GLI3: variants seen among roughly 807,000 people sequenced by gnomAD.
GLI3 encodes GLI family zinc finger 3.
A neutral mutation model predicts 100.8 loss-of-function variants in GLI3; 20 were observed. The ratio of observed to expected loss-of-function variants is 0.20; its 90% confidence interval spans 0.14 to 0.29. The LOEUF (loss-of-function observed/expected upper bound fraction) is 0.29. Among genes scored for constraint, GLI3 ranks in the 10% least tolerant of loss-of-function variants. GLI3 has a pLI of 1.00. For missense variants in GLI3, 2,040 were observed against 2,128.5 expected, an observed-to-expected ratio of 0.96 and a Z score of 0.82; for synonymous variants, 938 against 860.5, an observed-to-expected ratio of 1.09 and a Z score of -1.58.
intron 10 of GLI3, among the ~76,000 whole-genome samples, chr7:41,983,827 G>C (rs769498684): frequency 6.6e-6 from 1 of 152,202 alleles, no homozygotes; most frequent in Non-Finnish European, 1.5e-5. Flanking sequence ...ATGGGTCCAT[G>C]TCTTCAGTTT....
intron 1 of GLI3, among the ~76,000 whole-genome samples, chr7:42,260,713 A>G (rs1789128908): frequency 6.6e-6 from 1 of 152,210 alleles, no homozygotes. Context: ...ATGTATCTCA[A>G]TGAAAGGTGA....
chr7:42,106,012 T>A (rs4576336), intron 3 of GLI3, among the ~76,000 whole-genome samples: 34,264 of 152,080 alleles, frequency 0.23, 4,899 homozygotes, highest in Middle Eastern at 0.35. Context: ...GTTTCTCTCA[T>A]CCTTTTTGCA....
intron 10 of GLI3, among the ~76,000 whole-genome samples, chr7:41,999,650 T>C (rs1029861096): frequency 8.5e-5 from 13 of 152,108 alleles, no homozygotes; most frequent in Admixed American, 7.9e-4. Context: ...GGATATGTGG[T>C]CCTGCTACAC....
intron 2 of GLI3, chr7:42,152,317 G>A (rs1786891380): frequency 1.5e-5 from 12 of 781,500 alleles, no homozygotes; most frequent in Non-Finnish European, 1.9e-5. Flanking sequence ...CCAAGACCTA[G>A]AAGATGCGGA....
At chr7:42,071,333 G>A (rs985528237) in intron 4 of GLI3, among the ~76,000 whole-genome samples, 16 of 152,050 alleles carry the variant, frequency 1.1e-4, no homozygotes, top group Non-Finnish European at 4.4e-5. Context: ...CAAACACTGG[G>A]TGGAGGAGGC....
At chr7:42,166,857 T>C (rs1787253945) in intron 2 of GLI3, among the ~76,000 whole-genome samples, 1 of 147,982 alleles carries the variant, frequency 6.8e-6, no homozygotes. Context: ...TGGAGTTTCA[T>C]GCTTGTCACC....
chr7:42,221,832 T>C (rs921384789), intron 2 of GLI3, among the ~76,000 whole-genome samples: 1 of 152,250 alleles, frequency 6.6e-6, no homozygotes, highest in Non-Finnish European at 1.5e-5. Flanking sequence ...CTGGCTCAAT[T>C]AAAATAAGCT....
intron 5 of GLI3, 51 bp downstream of exon 5, chr7:42,048,440 G>T (rs768182768): frequency 8.4e-7 from 1 of 1,185,074 alleles, no homozygotes; most frequent in Non-Finnish European, 1.3e-6. Flanking sequence ...CGAGTGAGGA[G>T]CGGGGAGGAG....
rs1173563543 is a variant in GLI3 at position 41,963,559 on chromosome 7, GGGA to G, written c.*768_*770del. ...AGCACTGAATGTTCATGAAGGTAGT[GGGA>G]GGAGAGGCAAATGTGATAACTGAGA... is the stretch of plus-strand genomic sequence containing the variant. On this transcript the variant is annotated 3_prime_UTR_variant, in exon 15 of 15. Coordinates refer to ENST00000395925, the MANE Select transcript of GLI3 (RefSeq NM_000168.6). The G allele has an allele frequency of 6.6e-6, 1 of 152,292 alleles. No homozygotes were observed. The highest frequency in any genetic ancestry group is 1.5e-5 in the Non-Finnish European group (1 of 68,084). 9.4% of individuals were successfully genotyped at this position (152,292 alleles called of 1,614,324 possible).
chr7:42,254,274 G>A (rs1243127814), intron 1 of GLI3, among the ~76,000 whole-genome samples: 1 of 150,960 alleles, frequency 6.6e-6, no homozygotes, highest in Non-Finnish European at 1.5e-5. Flanking sequence ...CGAATGTAGG[G>A]TGAAAACCAA....
intron 3 of GLI3, among the ~76,000 whole-genome samples, chr7:42,090,700 T>G (rs1785199049): frequency 6.6e-6 from 1 of 152,196 alleles, no homozygotes; most frequent in Non-Finnish European, 1.5e-5. Context: ...TCTCCTGAAC[T>G]TCACACTAGA....
At chr7:41,973,718 T>A (rs535516237) in intron 12 of GLI3, among the ~76,000 whole-genome samples, 1 of 152,344 alleles carries the variant, frequency 6.6e-6, no homozygotes, top group Admixed American at 6.5e-5. Flanking sequence ...TCTTGTAGAA[T>A]GTATGTCTAA....
intron 9 of GLI3, among the ~76,000 whole-genome samples, chr7:42,024,152 T>C (rs905414905): frequency 6.6e-6 from 1 of 152,210 alleles, no homozygotes; most frequent in Admixed American, 6.5e-5. Flanking sequence ...GTAGACTTTA[T>C]AGGGATAATG....
chr7:42,111,913 T>A (rs1256271858), intron 3 of GLI3, among the ~76,000 whole-genome samples: 1 of 151,852 alleles, frequency 6.6e-6, no homozygotes, highest in Non-Finnish European at 1.5e-5. Flanking sequence ...TAAAGCAAGA[T>A]CCAGAAAGTG....
At chr7:42,243,998 TA>T (rs1788948521) in intron 1 of GLI3, among the ~76,000 whole-genome samples, 4 of 152,140 alleles carry the variant, frequency 2.6e-5, no homozygotes, top group Admixed American at 2.6e-4. Flanking sequence ...CACACCCAGC[TA>T]ATTTTTATAT....
intron 2 of GLI3, chr7:42,172,512 T>C (rs1787394646): frequency 2.9e-6 from 2 of 701,402 alleles, no homozygotes; most frequent in Non-Finnish European, 5.2e-6. Flanking sequence ...CTTGCAATCA[T>C]CCCGCACCTA....
intron 2 of GLI3, among the ~76,000 whole-genome samples, chr7:42,179,312 T>A (rs906208900): frequency 6.6e-6 from 1 of 152,092 alleles, no homozygotes; most frequent in African/African-American, 2.4e-5. Context: ...CAGTCGTGGG[T>A]ATGTCTGTAT....
chr7:42,060,817 A>G (rs1301059399), intron 4 of GLI3, among the ~76,000 whole-genome samples: 2 of 152,160 alleles, frequency 1.3e-5, no homozygotes, highest in African/African-American at 4.8e-5. Flanking sequence ...GATAAGTGAC[A>G]TTTGTTTGTA....
At chr7:42,164,744 G>A (rs1173584360) in intron 2 of GLI3, among the ~76,000 whole-genome samples, 4 of 151,260 alleles carry the variant, frequency 2.6e-5, no homozygotes, top group African/African-American at 9.7e-5. Context: ...GCAGGAGAAT[G>A]GCATGAACTC....
Sources: allele counts gnomAD v4.1 joint callset (sites outside exome capture counted in the v4.1 genomes callset), GRCh38; gene constraint gnomAD v4.1.1; transcripts MANE v1.5; gene names NCBI Gene and HGNC (gene_info 2026-07-23, HGNC 2026-07-21).